The following PPP1R1B variants were observed in gnomAD, a reference collection of about 807,000 sequenced individuals.
The protein encoded by PPP1R1B is protein phosphatase 1 regulatory inhibitor subunit 1B, also known as protein phosphatase 1 regulatory subunit 1B.
PPP1R1B carries 13 observed loss-of-function variants against 28.2 expected under a neutral mutation model. That is an observed-to-expected ratio of 0.46 (90% CI 0.30 to 0.73). The LOEUF (loss-of-function observed/expected upper bound fraction) is 0.73. PPP1R1B is among the 30% of genes least tolerant of loss of function. The pLI is 0.07. For missense variants in PPP1R1B, 236 were observed against 256.7 expected, an observed-to-expected ratio of 0.92 and a Z score of 0.55; for synonymous variants, 102 against 97.5, an observed-to-expected ratio of 1.05 and a Z score of -0.27.
chr17:39,627,128 G>T lies in PPP1R1B; in HGVS notation c.-265G>T. 2.3e-6 allele frequency: 1 copy of T among 433,308 alleles called. No homozygotes were observed. The highest frequency in any genetic ancestry group is 4.1e-6 in the Non-Finnish European group (1 of 246,216). The allele number at this position is 433,308 out of a possible 1,614,324, so 26.8% of individuals were successfully genotyped here. A position where few individuals can be genotyped will look rare whatever the true frequency, so the allele number is the denominator to read the frequency against. ...CAGAGACACCCAGGCCGGGGAGCGC[G>T]AGGGAGCGAGGCACAGACCTGGCTC... On this transcript the variant is annotated 5_prime_UTR_variant, in exon 1 of 7. Coordinates refer to ENST00000254079, the MANE Select transcript of PPP1R1B (RefSeq NM_032192.4).
At position 39,636,039 on chromosome 17, in the gene PPP1R1B, T is replaced by C; in HGVS notation, c.*174T>C. The C allele has an allele frequency of 1.4e-6, 1 of 714,594 alleles. No individual in the cohort carries two copies. The highest frequency in any genetic ancestry group is 2.0e-5 in the South Asian group (1 of 51,234). 44.3% of individuals were successfully genotyped at this position (714,594 alleles called of 1,614,324 possible). A position where few individuals can be genotyped will look rare whatever the true frequency, so the allele number is the denominator to read the frequency against. Reference sequence around the variant, plus strand: ...TGCTTGTTTGCCCACCTTTGGCTGATACCCAGAGAACCTGGGCACTTGCTG... The same window carrying C: ...TGCTTGTTTGCCCACCTTTGGCTGACACCCAGAGAACCTGGGCACTTGCTG... On this transcript the variant is annotated 3_prime_UTR_variant, in exon 7 of 7. Coordinates refer to ENST00000254079, the MANE Select transcript of PPP1R1B (RefSeq NM_032192.4).
intron 4 of PPP1R1B, 73 bp from the exon 5 acceptor site, chr17:39,633,810 G>A (rs2056895850): frequency 6.3e-7 from 1 of 1,595,104 alleles, no homozygotes; most frequent in Middle Eastern, 1.7e-4. Flanking sequence ...CTGGGGGCTA[G>A]GCCACAGGCT....
chr17:39,634,371 G>A (rs1597781619), intron 5 of PPP1R1B, among the ~76,000 whole-genome samples: 1 of 152,254 alleles, frequency 6.6e-6, no homozygotes, highest in Non-Finnish European at 1.5e-5. Context: ...AGAGCCAAAA[G>A]AGGACTTCCC....
intron 4 of PPP1R1B, chr17:39,633,647 C>A: frequency 1.9e-6 from 1 of 522,232 alleles, no homozygotes; most frequent in Non-Finnish European, 3.3e-6. Context: ...TGGGGGCTAG[C>A]ATCTTAGGAC....
At chr17:39,634,813 CAA>C (rs1240630206) in intron 5 of PPP1R1B, among the ~76,000 whole-genome samples, 1 of 152,202 alleles carries the variant, frequency 6.6e-6, no homozygotes, top group Non-Finnish European at 1.5e-5. Context: ...CCTTTGTGGG[CAA>C]GAGACAGCTG....
chr17:39,627,616 C>T, intron 1 of PPP1R1B, 143 bp downstream of exon 1: 1 of 567,390 alleles, frequency 1.8e-6, no homozygotes, highest in South Asian at 2.2e-5. Context: ...CAGGACGGGG[C>T]GCGGGGCCGC....
rs888551748 is a variant in PPP1R1B at position 39,627,621 on chromosome 17, G to A, written c.81+148G>A. The A allele has an allele frequency of 6.2e-5, 35 of 565,456 alleles. No individual in the cohort carries two copies. The African/African-American group carries it at 6.5e-4, about 10-fold the overall frequency. 35.0% of individuals were successfully genotyped at this position (565,456 alleles called of 1,614,324 possible). A position where few individuals can be genotyped will look rare whatever the true frequency, so the allele number is the denominator to read the frequency against. ...CTGCCTCGGTCAGGACGGGGCGCGGGGCCGCGTGTGAAGTTAGCTGGAGAC... is the reference window on the plus strand; with the variant it reads ...CTGCCTCGGTCAGGACGGGGCGCGGAGCCGCGTGTGAAGTTAGCTGGAGAC... On this transcript the variant is annotated intron_variant, in intron 1 of 6. Transcript: ENST00000254079.
intron 4 of PPP1R1B, 101 bp downstream of exon 4, chr17:39,630,148 A>G: frequency 8.9e-7 from 1 of 1,122,392 alleles, no homozygotes; most frequent in Non-Finnish European, 1.3e-6. Context: ...GTTTCGCCAC[A>G]CATAGCCCGC....
Position 39,629,242 on chromosome 17 carries a change from C to A in PPP1R1B, c.142+12C>A. On this transcript the variant is annotated intron_variant, in intron 2 of 6. Coordinates refer to ENST00000254079, the MANE Select transcript of PPP1R1B (RefSeq NM_032192.4). ...GCACTCCTCACCAGGTAGGCCCCTC[C>A]CTGCCCACTTAGCCCTGGCCCCACC... 6.2e-7 allele frequency: 1 copy of A among 1,612,982 alleles called. No individual in the cohort carries two copies. The highest frequency in any genetic ancestry group is 8.5e-7 in the Non-Finnish European group (1 of 1,179,408).
intron 3 of PPP1R1B, 39 bp downstream of exon 3, chr17:39,629,601 G>C: frequency 9.3e-6 from 15 of 1,611,422 alleles, no homozygotes; most frequent in Non-Finnish European, 1.3e-5. Context: ...GGATGCCTGG[G>C]CCCCTTGGGG....
At chr17:39,629,807 G>C in intron 3 of PPP1R1B, 165 bp from the exon 4 acceptor site, 1 of 879,218 alleles carries the variant, frequency 1.1e-6, no homozygotes, top group Non-Finnish European at 1.8e-6. Flanking sequence ...GGCTTATGGG[G>C]GGCCCCCCCT....
chr17:39,628,357 T>A (rs1257024179), intron 1 of PPP1R1B: 3 of 260,002 alleles, frequency 1.2e-5, no homozygotes, highest in Non-Finnish European at 1.8e-5. Context: ...TCAGCTTAAC[T>A]CACCTGGTTC....
intron 1 of PPP1R1B, among the ~76,000 whole-genome samples, chr17:39,628,316 C>T (rs1348945584): frequency 1.3e-5 from 2 of 151,896 alleles, no homozygotes; most frequent in African/African-American, 4.8e-5. Flanking sequence ...ATGAGGGTGT[C>T]ATGGGGAGCT....
At chr17:39,634,925 G>A (rs2056906025) in intron 5 of PPP1R1B, among the ~76,000 whole-genome samples, 1 of 152,258 alleles carries the variant, frequency 6.6e-6, no homozygotes, top group African/African-American at 2.4e-5. Context: ...GCTGGGTGCG[G>A]TGGCTCATGC....
intron 5 of PPP1R1B, 54 bp from the exon 6 acceptor site, chr17:39,635,553 C>G (rs2056913221): frequency 1.3e-6 from 2 of 1,585,474 alleles, no homozygotes; most frequent in Non-Finnish European, 1.7e-6. Flanking sequence ...CACTCCAGGA[C>G]AGCCGGATGG....
intron 4 of PPP1R1B, among the ~76,000 whole-genome samples, chr17:39,631,596 C>G (rs1459882595): frequency 6.6e-6 from 1 of 152,168 alleles, no homozygotes; most frequent in Non-Finnish European, 1.5e-5. Context: ...GAAGAGTATG[C>G]TGGGAAGTGG....
At position 39,633,994 on chromosome 17, in the gene PPP1R1B, G is replaced by A. The variant is rs2056897775; in HGVS notation, c.353G>A (p.Arg118Lys). ...LGELRELGYP[R>K]EEDEEEEEDD... Reference sequence around the variant, plus strand: ...GAGCTTCGGGAGCTGGGTTATCCAAGAGAGGAAGATGAGGAGGAAGAGGAG... The same window carrying A: ...GAGCTTCGGGAGCTGGGTTATCCAAAAGAGGAAGATGAGGAGGAAGAGGAG... Residue 118 changes from arginine (R) to lysine (K), a missense_variant, in exon 5 of 7, where the codon AGA becomes AAA. Physicochemically the swap from Arg to Lys is conservative, Grantham distance 26. Transcript: ENST00000254079. 2 of 1,613,970 alleles carry A rather than the reference G, an allele frequency of 1.2e-6. No individual in the cohort carries two copies. The highest frequency in any genetic ancestry group is 2.7e-5 in the African/African-American group (2 of 75,058).
intron 1 of PPP1R1B, 151 bp from the exon 2 acceptor site, chr17:39,629,019 G>T: frequency 1.4e-6 from 1 of 698,810 alleles, no homozygotes. Context: ...AAAATGAGGG[G>T]GTTAGGTGAG....
intron 1 of PPP1R1B, among the ~76,000 whole-genome samples, chr17:39,627,757 G>T (rs1404971305): frequency 6.6e-6 from 1 of 151,726 alleles, no homozygotes; most frequent in Non-Finnish European, 1.5e-5. Context: ...GACCGCCCAG[G>T]AGTGGGGTGG....
Sources: allele counts gnomAD v4.1 joint callset (sites outside exome capture counted in the v4.1 genomes callset), GRCh38; gene constraint gnomAD v4.1.1; transcripts MANE v1.5; gene names NCBI Gene and HGNC (gene_info 2026-07-23, HGNC 2026-07-21).